Variants in CLIP1 observed in about 807,000 individuals in gnomAD.
The protein encoded by CLIP1 is CAP-Gly domain-containing linker protein 1.
CLIP1 carries 66 observed loss-of-function variants against 161.6 expected under a neutral mutation model. That is an observed-to-expected ratio of 0.41 (90% confidence interval 0.33 to 0.50). The LOEUF is 0.50. Among genes scored for constraint, CLIP1 ranks in the 20% least tolerant of loss-of-function variants. CLIP1 has a pLI of 0.27. For synonymous variants in CLIP1, 598 were observed against 626.2 expected, an observed-to-expected ratio of 0.96 and a Z score of 0.67; for missense variants, 1,376 against 1,702.0, an observed-to-expected ratio of 0.81 and a Z score of 3.37.
intron 1 of CLIP1, among the ~76,000 whole-genome samples, chr12:122,391,122 T>C (rs577126039): frequency 1.3e-5 from 2 of 152,070 alleles, no homozygotes; most frequent in Non-Finnish European, 2.9e-5. Flanking sequence ...ACCCCGTCTC[T>C]ACTAAAAATA....
chr12:122,379,256 C>A (rs1253718040), intron 2 of CLIP1, among the ~76,000 whole-genome samples: 1 of 150,328 alleles, frequency 6.7e-6, no homozygotes, highest in Admixed American at 6.7e-5. Context: ...TGCAGTGAGC[C>A]GAGATTGAGC....
At chr12:122,388,282 C>G (rs560640311) in intron 1 of CLIP1, among the ~76,000 whole-genome samples, 1 of 151,816 alleles carries the variant, frequency 6.6e-6, no homozygotes, top group East Asian at 1.9e-4. Context: ...CGCAGTGGCG[C>G]GATCTCGGCT....
chr12:122,312,414 C>G (rs931808082), intron 19 of CLIP1, among the ~76,000 whole-genome samples: 2 of 152,186 alleles, frequency 1.3e-5, no homozygotes, highest in African/African-American at 4.8e-5. Flanking sequence ...AGAACAGTTA[C>G]AAGTGCTGGT....
At chr12:122,395,800 C>T (rs1316151351) in intron 1 of CLIP1, 2 of 152,184 alleles carry the variant, frequency 1.3e-5, no homozygotes, top group African/African-American at 2.4e-5. Flanking sequence ...GTATTCTTTA[C>T]TGGAGGATTG....
Position 122,330,111 on chromosome 12 carries a change from C to G in CLIP1, c.2868-1685G>C, listed in dbSNP as rs140094197. Among the ~76,000 whole-genome samples the G allele has an allele frequency of 7.0e-3, 1,069 of 151,924 alleles. 10 individuals carry two copies. The highest frequency in any genetic ancestry group is 0.025 in the African/African-American group (1,016 of 41,374). ...CAGCCTGGGCAACAAGAGCAAAGCT[C>G]CGTCTCAAAAAAAAACAAAAAACAA... is the stretch of plus-strand genomic sequence containing the variant. On this transcript the variant is annotated intron_variant, in intron 15 of 25. Coordinates refer to ENST00000620786, the MANE Select transcript of CLIP1 (RefSeq NM_001247997.2).
In CLIP1 at chr12:122,341,252, G is replaced by A; in HGVS notation, c.1952C>T (p.Thr651Ile). 2 of 1,614,050 alleles carry A rather than the reference G, an allele frequency of 1.2e-6. No homozygotes were observed. The highest frequency in any genetic ancestry group is 3.3e-5 in the Admixed American group (2 of 59,986). ...TAGTTCAGCAAATTCTGCCGTCTCTGTTCCAAGCCCTTTGCTGAAAGATAC... is the reference window on the plus strand; with the variant it reads ...TAGTTCAGCAAATTCTGCCGTCTCTATTCCAAGCCCTTTGCTGAAAGATAC... Reference protein sequence around the residue: ...LKVSFSKGLGTETAEFAELKT... With the variant: ...LKVSFSKGLGIETAEFAELKT... Residue 651 changes from threonine to isoleucine, a missense_variant, in exon 11 of 26, where the codon ACA becomes ATA. Transcript: ENST00000620786.
chr12:122,390,831 T>TA (rs1162290265), intron 1 of CLIP1, among the ~76,000 whole-genome samples: 2 of 151,898 alleles, frequency 1.3e-5, no homozygotes, highest in African/African-American at 2.4e-5. Flanking sequence ...CTCTAGAACT[T>TA]AAGTCACTTC....
At chr12:122,391,261 C>T (rs1271358152) in intron 1 of CLIP1, among the ~76,000 whole-genome samples, 4 of 151,696 alleles carry the variant, frequency 2.6e-5, no homozygotes, top group Non-Finnish European at 5.9e-5. Context: ...GCACTCCAGC[C>T]CGGGTGACAA....
intron 21 of CLIP1, among the ~76,000 whole-genome samples, chr12:122,284,779 A>G (rs761137475): frequency 6.6e-6 from 1 of 152,226 alleles, no homozygotes; most frequent in Non-Finnish European, 1.5e-5. Flanking sequence ...TTAAAAAGAT[A>G]CACATAAATA....
In CLIP1 at chr12:122,332,951, C is replaced by G. The variant is rs1952050782; in HGVS notation, c.2867+36G>C. 3 of 1,586,054 alleles carry G rather than the reference C, an allele frequency of 1.9e-6. No homozygotes were observed. In the South Asian group the frequency reaches 3.5e-5, roughly 18 times the overall value. On this transcript the variant is annotated intron_variant, in intron 15 of 25. Coordinates refer to ENST00000620786, the MANE Select transcript of CLIP1 (RefSeq NM_001247997.2). ...ACCTAGAGCTTGCCGCAGAGCCTAA[C>G]CTAAGGTCAGCACTCTTTTCAACAG...
chr12:122,285,397 T>C (rs1391388701), intron 21 of CLIP1, among the ~76,000 whole-genome samples: 1 of 152,156 alleles, frequency 6.6e-6, no homozygotes, highest in Non-Finnish European at 1.5e-5. Flanking sequence ...CAGCTAATTT[T>C]TGTATTTTTA....
At chr12:122,419,475 T>C (rs1956862391) in intron 1 of CLIP1, among the ~76,000 whole-genome samples, 1 of 151,942 alleles carries the variant, frequency 6.6e-6, no homozygotes, top group South Asian at 2.1e-4. Flanking sequence ...GGCCTTGATA[T>C]ATCTATTCAA....
chr12:122,294,898 C>CA (rs1950409816), intron 20 of CLIP1, among the ~76,000 whole-genome samples: 1 of 151,632 alleles, frequency 6.6e-6, no homozygotes, highest in Admixed American at 6.6e-5. Context: ...ACTAAAAATA[C>CA]AAAAAATTAG....
At chr12:122,326,995 G>A (rs1353840850) in intron 17 of CLIP1, among the ~76,000 whole-genome samples, 1 of 152,086 alleles carries the variant, frequency 6.6e-6, no homozygotes, top group Non-Finnish European at 1.5e-5. Context: ...TCATGAGATT[G>A]GTTTCAAGTC....
In CLIP1 at chr12:122,355,913, A is replaced by C. The variant is rs1343331018; in HGVS notation, c.1006-601T>G. 1 of 152,366 alleles carries C rather than the reference A, an allele frequency of 6.6e-6. No individual in the cohort carries two copies. Among genetic ancestry groups the C allele is most frequent in the Non-Finnish European group, 1.5e-5 (1 of 68,170 alleles). The allele number at this position is 152,366 out of a possible 1,614,324, so 9.4% of individuals were successfully genotyped here. On this transcript the variant is annotated intron_variant, in intron 5 of 25. Coordinates refer to ENST00000620786, the MANE Select transcript of CLIP1 (RefSeq NM_001247997.2). The surrounding 1 kb of genome is among the most constrained non-coding windows in gnomAD (Gnocchi z 4.1). ...GCTCAGCCACTGCTGGCTCCAGATCAAGTCAGCCTTGACTTCATCTTCTGC... is the reference window on the plus strand; with the variant it reads ...GCTCAGCCACTGCTGGCTCCAGATCCAGTCAGCCTTGACTTCATCTTCTGC...
At chr12:122,359,952 C>A (rs1237349106) in intron 5 of CLIP1, among the ~76,000 whole-genome samples, 2 of 152,190 alleles carry the variant, frequency 1.3e-5, no homozygotes, top group Admixed American at 6.5e-5. Flanking sequence ...ATGGGCAGGG[C>A]TTTGACCCTA....
intron 17 of CLIP1, among the ~76,000 whole-genome samples, chr12:122,325,811 A>T (rs1214406587): frequency 6.6e-6 from 1 of 152,010 alleles, no homozygotes; most frequent in Non-Finnish European, 1.5e-5. Context: ...GTGCCACCAC[A>T]CCCAATTAAT....
At chr12:122,333,570 A>G (rs1442479111) in intron 14 of CLIP1, among the ~76,000 whole-genome samples, 3 of 152,202 alleles carry the variant, frequency 2.0e-5, no homozygotes, top group Non-Finnish European at 4.4e-5. Context: ...TCCGAGAGAT[A>G]ATAGGGCCTG....
chr12:122,355,200 A>C lies in CLIP1; in HGVS notation c.1118T>G (p.Leu373Arg). 6.2e-7 allele frequency: 1 copy of C among 1,614,154 alleles called. No individual in the cohort carries two copies. Among genetic ancestry groups the C allele is most frequent in the Non-Finnish European group, 8.5e-7 (1 of 1,180,014 alleles). ...HIEQLLAERD[L>R]ERAEVAKATS... ...GGCCTTGGCCACCTCCGCCCTCTCC[A>C]GATCCCGTTCCGCCAGCAGCTGCTC... is the stretch of plus-strand genomic sequence containing the variant. The change falls in exon 6 of 26, where the codon CTG becomes CGG. Residue 373 changes from leucine to arginine, a missense_variant. By Grantham distance (102) the Leu-to-Arg change is moderately radical (BLOSUM62 -2). Coordinates refer to ENST00000620786, the MANE Select transcript of CLIP1 (RefSeq NM_001247997.2). This position sits in a 1 kb window ranked among gnomAD's most constrained non-coding sequence, Gnocchi z 4.1.
Sources: gnomAD v4.1 joint callset for allele counts (sites outside exome capture counted in the v4.1 genomes callset) on GRCh38, gnomAD v4.1.1 for gene constraint, Gnocchi (gnomAD v3.1) non-coding constraint, MANE v1.5 for transcripts, NCBI Gene and HGNC (gene_info 2026-07-23, HGNC 2026-07-21) for gene names.